CPQ: variants seen among roughly 807,000 people sequenced by gnomAD.
CPQ encodes carboxypeptidase Q.
In CPQ, 37 loss-of-function variants were observed where a neutral mutation model predicts 45.7. The ratio of observed to expected loss-of-function variants is 0.81; its 90% CI spans 0.62 to 1.07. The LOEUF is 1.07. Ranked by LOEUF, CPQ falls within the 50% of genes least tolerant of loss-of-function variation. CPQ has a pLI of 0.00. For synonymous variants in CPQ, 186 were observed against 205.8 expected (o/e 0.90, Z 0.82); for missense variants, 537 against 572.9 (o/e 0.94, Z 0.64).
At position 97,086,027 on chromosome 8, in the gene CPQ, G is replaced by GA. The variant is rs371002629; in HGVS notation, c.1255+19823dup. 3.9e-5 allele frequency among the ~76,000 whole-genome samples: 6 copies of GA among 152,188 alleles called. No homozygotes were observed. In the East Asian group the frequency reaches 5.8e-4, roughly 15 times the overall value. On this transcript the variant is annotated intron_variant, in intron 7 of 7. Transcript: ENST00000220763. ...CTAGGCTACCATGTCCTTCAAATGG[G>GA]AAAAAACAAAATGCCTGAGCATGTC...
At chr8:96,740,628 A>G (rs1810073227) in intron 1 of CPQ, among the ~76,000 whole-genome samples, 1 of 151,726 alleles carries the variant, frequency 6.6e-6, no homozygotes, top group Non-Finnish European at 1.5e-5. Flanking sequence ...TTATTTTGAG[A>G]TACGTCCCAT....
intron 1 of CPQ, among the ~76,000 whole-genome samples, chr8:96,709,122 G>A (rs899347734): frequency 5.3e-5 from 8 of 151,828 alleles, no homozygotes; most frequent in Non-Finnish European, 1.2e-4. Context: ...CATTTCCATA[G>A]CTTTTGAGGT....
At chr8:96,841,879 C>T (rs563240701) in intron 3 of CPQ, among the ~76,000 whole-genome samples, 2 of 152,172 alleles carry the variant, frequency 1.3e-5, no homozygotes, top group South Asian at 2.1e-4. Flanking sequence ...TGAAAAAGTA[C>T]ATAAATCAAT....
intron 7 of CPQ, among the ~76,000 whole-genome samples, chr8:97,103,947 G>A (rs991287410): frequency 4.6e-5 from 7 of 152,158 alleles, no homozygotes; most frequent in African/African-American, 1.7e-4. Flanking sequence ...GACTGCATAG[G>A]ATGGCCTACC....
At chr8:96,824,149 G>A (rs761044449) in intron 2 of CPQ, among the ~76,000 whole-genome samples, 1 of 152,034 alleles carries the variant, frequency 6.6e-6, no homozygotes, top group Non-Finnish European at 1.5e-5. Flanking sequence ...AGGATTCAAT[G>A]ACCAGAAGTA....
intron 2 of CPQ, among the ~76,000 whole-genome samples, chr8:96,791,869 G>A (rs1226690923): frequency 2.0e-5 from 3 of 152,148 alleles, no homozygotes; most frequent in Non-Finnish European, 4.4e-5. Flanking sequence ...CCTGTGAAAT[G>A]AGAGATGGTT....
At chr8:96,999,761 AC>A (rs1809239814) in intron 5 of CPQ, among the ~76,000 whole-genome samples, 1 of 151,978 alleles carries the variant, frequency 6.6e-6, no homozygotes, top group Non-Finnish European at 1.5e-5. Flanking sequence ...CCCAGTAATG[AC>A]ATTGCTTGGT....
chr8:96,806,952 C>T (rs1218698331), intron 2 of CPQ, among the ~76,000 whole-genome samples: 1 of 152,008 alleles, frequency 6.6e-6, no homozygotes. Context: ...CTCATGTACC[C>T]TATAAATGTA....
At chr8:96,819,830 G>A (rs970295275) in intron 2 of CPQ, among the ~76,000 whole-genome samples, 8 of 151,932 alleles carry the variant, frequency 5.3e-5, no homozygotes, top group African/African-American at 1.7e-4. Flanking sequence ...GATCATACCG[G>A]AAAGCCATGT....
chr8:96,829,591 A>G (rs1177064492), intron 2 of CPQ, among the ~76,000 whole-genome samples: 1 of 151,984 alleles, frequency 6.6e-6, no homozygotes, highest in East Asian at 1.9e-4. Flanking sequence ...TGTTTCATCT[A>G]TTTTTGTCTT....
chr8:97,091,820 T>TGAGAGATACACAATGGTACTAATG (rs1811129998), intron 7 of CPQ, among the ~76,000 whole-genome samples: 4 of 151,892 alleles, frequency 2.6e-5, no homozygotes, highest in South Asian at 2.1e-4. Context: ...GTTACCAAAG[T>TGAGAGATACACAATGGTACTAATG]GTACTAATGT....
At chr8:97,054,815 G>A (rs11988993) in intron 6 of CPQ, among the ~76,000 whole-genome samples, 1 of 152,040 alleles carries the variant, frequency 6.6e-6, no homozygotes, top group Non-Finnish European at 1.5e-5. Context: ...CTACCTATTG[G>A]GTATAATGTA....
At chr8:97,111,566 C>T (rs1378684880) in intron 7 of CPQ, among the ~76,000 whole-genome samples, 2 of 152,192 alleles carry the variant, frequency 1.3e-5, no homozygotes, top group Non-Finnish European at 2.9e-5. Context: ...CTAGTCAGGA[C>T]TATCTGCCTC....
At chr8:96,963,052 C>T (rs1273114653) in intron 4 of CPQ, among the ~76,000 whole-genome samples, 1 of 152,056 alleles carries the variant, frequency 6.6e-6, no homozygotes, top group African/African-American at 2.4e-5. Context: ...TTTTAACTAC[C>T]AGTTTAAGTA....
intron 1 of CPQ, among the ~76,000 whole-genome samples, chr8:96,655,771 G>T (rs1481449508): frequency 2.6e-5 from 4 of 152,184 alleles, no homozygotes; most frequent in African/African-American, 9.7e-5. Context: ...TTACAATGGG[G>T]TTATATCCTG....
intron 2 of CPQ, among the ~76,000 whole-genome samples, chr8:96,790,258 T>C (rs1205243407): frequency 1.3e-5 from 2 of 152,144 alleles, no homozygotes; most frequent in Non-Finnish European, 2.9e-5. Context: ...GATGCAGTGA[T>C]AGTGGCACCT....
intron 7 of CPQ, among the ~76,000 whole-genome samples, chr8:97,120,010 T>C (rs75427654): frequency 0.043 from 6,601 of 152,324 alleles, 225 homozygotes; most frequent in Non-Finnish European, 0.063. Flanking sequence ...ATAGGCTTGT[T>C]TCTGTTAAAA....
chr8:96,720,707 C>G (rs776043094), intron 1 of CPQ, among the ~76,000 whole-genome samples: 3 of 151,978 alleles, frequency 2.0e-5, no homozygotes, highest in Non-Finnish European at 4.4e-5. Flanking sequence ...TTTGCTCCCC[C>G]CTCCTCCATG....
At chr8:96,933,088 A>G (rs1812995850) in intron 4 of CPQ, among the ~76,000 whole-genome samples, 1 of 152,196 alleles carries the variant, frequency 6.6e-6, no homozygotes, top group Non-Finnish European at 1.5e-5. Context: ...AGAGAGGACC[A>G]CTGAATGTTT....
Sources: gnomAD v4.1 joint callset for allele counts (sites outside exome capture counted in the v4.1 genomes callset) on GRCh38, gnomAD v4.1.1 for gene constraint, MANE v1.5 for transcripts, NCBI Gene and HGNC (gene_info 2026-07-23, HGNC 2026-07-21) for gene names.